RETREG1: variants seen among roughly 807,000 people sequenced by gnomAD.
The protein encoded by RETREG1 is family with sequence similarity 134 member B.
Under a neutral mutation model 54.8 loss-of-function variants are expected in RETREG1, and 44 were observed. That is an observed-to-expected ratio of 0.80 (90% CI 0.63 to 1.03). RETREG1 has a LOEUF of 1.03. Among genes scored for constraint, RETREG1 ranks in the 50% least tolerant of loss-of-function variants. The pLI, the probability that RETREG1 is intolerant of heterozygous loss-of-function variation, is 0.00. For missense variants in RETREG1, 554 were observed against 605.1 expected (o/e 0.92, Z 0.89); for synonymous variants, 217 against 238.5 (o/e 0.91, Z 0.83).
chr5:16,571,864 T>A, intron 2 of RETREG1, 132 bp downstream of exon 2: 1 of 678,162 alleles, frequency 1.5e-6, no homozygotes, highest in South Asian at 1.8e-5. Context: ...ATTATCGTAT[T>A]GAAAACAGCT....
At chr5:16,591,859 T>C (rs893423844) in intron 1 of RETREG1, among the ~76,000 whole-genome samples, 1 of 152,006 alleles carries the variant, frequency 6.6e-6, no homozygotes, top group Non-Finnish European at 1.5e-5. Flanking sequence ...AATAAAAGAA[T>C]AGATAATAAG....
At chr5:16,494,003 C>G (rs1047914289) in intron 3 of RETREG1, among the ~76,000 whole-genome samples, 2 of 152,182 alleles carry the variant, frequency 1.3e-5, no homozygotes, top group Non-Finnish European at 2.9e-5. Context: ...GATATTCAGT[C>G]AAGATGCTAG....
In RETREG1 at chr5:16,477,889, C is replaced by A. The variant is rs563903140; in HGVS notation, c.874-101G>T. The A allele has an allele frequency of 3.6e-5, 53 of 1,463,928 alleles. No individual in the cohort carries two copies. The South Asian group carries it at 6.1e-4, about 17-fold the overall frequency. 90.7% of individuals were successfully genotyped at this position (1,463,928 alleles called of 1,614,324 possible). On this transcript the variant is annotated intron_variant, in intron 7 of 8. Transcript: ENST00000306320. ...CCCCAAAATGACAGAGTAATAAAAA[C>A]CAAATGGATATTTTTATTTTGAAAT...
At chr5:16,558,003 G>A (rs190886186) in intron 3 of RETREG1, among the ~76,000 whole-genome samples, 1 of 151,490 alleles carries the variant, frequency 6.6e-6, no homozygotes, top group African/African-American at 2.4e-5. Context: ...CAGTGGGCTT[G>A]TTATAAAAGT....
At chr5:16,514,832 T>G (rs1465231384) in intron 3 of RETREG1, among the ~76,000 whole-genome samples, 1 of 151,302 alleles carries the variant, frequency 6.6e-6, no homozygotes, top group Non-Finnish European at 1.5e-5. Flanking sequence ...GGTCTCCAAC[T>G]CCATCCAGGT....
intron 1 of RETREG1, among the ~76,000 whole-genome samples, chr5:16,591,502 G>C (rs1487276758): frequency 6.7e-6 from 1 of 149,678 alleles, no homozygotes; most frequent in Non-Finnish European, 1.5e-5. Context: ...TCAAAAAGGA[G>C]CTATAACAGG....
rs1208959490 is a variant in RETREG1, at chr5:16,482,820, C to T, written c.585+526G>A. Among the ~76,000 whole-genome samples the T allele has an allele frequency of 2.0e-5, 3 of 152,108 alleles. No individual in the cohort carries two copies. In the East Asian group the frequency reaches 5.8e-4, roughly 29 times the overall value. Reference sequence around the variant, plus strand: ...TCCCAACCATGTAAGACACTTCCCCCTCATGGGTTTTATCTTAATTGGAAA... The same window carrying T: ...TCCCAACCATGTAAGACACTTCCCCTTCATGGGTTTTATCTTAATTGGAAA... On this transcript the variant is annotated intron_variant, in intron 4 of 8. Transcript: ENST00000306320.
chr5:16,581,233 G>A (rs1051632110), intron 1 of RETREG1, among the ~76,000 whole-genome samples: 1 of 152,130 alleles, frequency 6.6e-6, no homozygotes, highest in African/African-American at 2.4e-5. Context: ...GAGGCCAGTC[G>A]GAGGCAGGAC....
intron 1 of RETREG1, among the ~76,000 whole-genome samples, chr5:16,592,717 TA>T (rs3993837): frequency 4.0e-4 from 59 of 149,194 alleles, no homozygotes; most frequent in Admixed American, 7.3e-4. Context: ...TATGCAGCCA[TA>T]AAAAAAAAAA....
rs141824620 is a variant in RETREG1, at chr5:16,562,105, C to T, written c.458+3658G>A. Among the ~76,000 whole-genome samples the T allele has an allele frequency of 7.2e-3, 1,094 of 152,226 alleles. 8 individuals are homozygous for T. Among genetic ancestry groups the T allele is most frequent in the African/African-American group, 0.025 (1,022 of 41,536 alleles). ...CAAAGGCAGGCAGATCACCTGAGGT[C>T]GGGAGTTCGAGATCAGCCTAACCAA... On this transcript the variant is annotated intron_variant, in intron 3 of 8. Transcript: ENST00000306320.
At chr5:16,526,102 T>C (rs776801133) in intron 3 of RETREG1, among the ~76,000 whole-genome samples, 3 of 152,344 alleles carry the variant, frequency 2.0e-5, no homozygotes, top group Middle Eastern at 3.4e-3. Context: ...CGAGGCACCA[T>C]TGCCTGGGCA....
At chr5:16,570,538 A>G (rs1742145475) in intron 2 of RETREG1, among the ~76,000 whole-genome samples, 1 of 152,096 alleles carries the variant, frequency 6.6e-6, no homozygotes, top group Non-Finnish European at 1.5e-5. Context: ...ACACCAAGAT[A>G]AAATGGTTGC....
At chr5:16,507,024 G>A (rs994368621) in intron 3 of RETREG1, among the ~76,000 whole-genome samples, 13 of 152,018 alleles carry the variant, frequency 8.6e-5, no homozygotes, top group Admixed American at 2.6e-4. Context: ...ATCTGGTTAC[G>A]CCTTGTTAAC....
At chr5:16,580,042 G>C (rs1407143342) in intron 1 of RETREG1, among the ~76,000 whole-genome samples, 7 of 152,168 alleles carry the variant, frequency 4.6e-5, no homozygotes, top group Non-Finnish European at 1.0e-4. Flanking sequence ...ATCCCCAAGG[G>C]TTCTATTTTT....
chr5:16,556,220 G>A (rs1398818095), intron 3 of RETREG1, among the ~76,000 whole-genome samples: 2 of 151,358 alleles, frequency 1.3e-5, no homozygotes, highest in Non-Finnish European at 2.9e-5. Flanking sequence ...GTGCAGTGGC[G>A]TGATCTTGGC....
chr5:16,488,823 G>A (rs1739125969), intron 3 of RETREG1, among the ~76,000 whole-genome samples: 1 of 151,998 alleles, frequency 6.6e-6, no homozygotes, highest in Admixed American at 6.5e-5. Flanking sequence ...GGTGGCTCAC[G>A]CCTATAATCC....
intron 3 of RETREG1, among the ~76,000 whole-genome samples, chr5:16,489,759 C>T (rs972604240): frequency 7.2e-5 from 11 of 152,172 alleles, no homozygotes; most frequent in Non-Finnish European, 1.6e-4. Context: ...CCTACACACA[C>T]TGGTGATACA....
chr5:16,573,382 C>T (rs954423419), intron 1 of RETREG1, among the ~76,000 whole-genome samples: 2 of 152,022 alleles, frequency 1.3e-5, no homozygotes, highest in African/African-American at 4.8e-5. Context: ...TCACAAAGAG[C>T]GTTGAGCCTT....
rs1390491267 is a variant in RETREG1, at chr5:16,585,645, A to C, written c.321-13543T>G. 6.6e-6 allele frequency among the ~76,000 whole-genome samples: 1 copy of C among 152,160 alleles called. No individual in the cohort carries two copies. Among genetic ancestry groups the C allele is most frequent in the Non-Finnish European group, 1.5e-5 (1 of 68,024 alleles). On this transcript the variant is annotated intron_variant, in intron 1 of 8. Transcript: ENST00000306320. The surrounding 1 kb of genome is among the most constrained non-coding windows in gnomAD (Gnocchi z 4.5). ...GGCCATTCTTGCATTGCCCTAAAGA[A>C]ATACCTGAGACTGGGTAATTTATAA...
Sources: allele counts gnomAD v4.1 joint callset (sites outside exome capture counted in the v4.1 genomes callset), GRCh38; gene constraint gnomAD v4.1.1; non-coding constraint Gnocchi (gnomAD v3.1); transcripts MANE v1.5; gene names NCBI Gene and HGNC (gene_info 2026-07-23, HGNC 2026-07-21).